The following RGS17 variants were observed in gnomAD, a reference collection of about 807,000 sequenced individuals.
RGS17 encodes regulator of G protein signaling 17.
RGS17 carries 12 observed loss-of-function variants against 25.5 expected under a neutral mutation model. The ratio of observed to expected loss-of-function variants is 0.47; its 90% CI spans 0.30 to 0.76. The LOEUF (loss-of-function observed/expected upper bound fraction) is 0.76, where lower values mean the gene tolerates loss of function less well. RGS17 is among the 30% of genes least tolerant of loss of function. RGS17 has a pLI of 0.07. For missense variants in RGS17, 196 were observed against 242.2 expected (o/e 0.81, Z 1.27); for synonymous variants, 71 against 76.9 (o/e 0.92, Z 0.40).
intron 1 of RGS17, among the ~76,000 whole-genome samples, chr6:153,123,369 G>C (rs898953490): frequency 4.6e-5 from 7 of 152,118 alleles, no homozygotes; most frequent in African/African-American, 1.7e-4. Context: ...GTGGCTGACA[G>C]GAGTGCTGAG....
At chr6:153,093,148 G>C (rs899005838) in intron 1 of RGS17, among the ~76,000 whole-genome samples, 1 of 152,106 alleles carries the variant, frequency 6.6e-6, no homozygotes, top group Admixed American at 6.5e-5. Flanking sequence ...TGTCTCATTT[G>C]ATTCTAATTT....
rs1373917663 is a variant in RGS17, at chr6:153,105,108, A to G, written c.-26+26016T>C. On this transcript the variant is annotated intron_variant, in intron 1 of 4. Transcript: ENST00000206262. ...ACACTGGGCCTTGAGGGCCAATGTA[A>G]GGACTTTGGGATTTACACAGAACTA... Among the ~76,000 whole-genome samples the G allele has an allele frequency of 2.0e-5, 3 of 151,754 alleles. No homozygotes were observed. The South Asian group carries it at 6.2e-4, about 31-fold the overall frequency.
intron 1 of RGS17, among the ~76,000 whole-genome samples, chr6:153,098,643 G>A (rs1324462122): frequency 6.7e-6 from 1 of 149,142 alleles, no homozygotes; most frequent in East Asian, 1.9e-4. Flanking sequence ...GCAATTGAGA[G>A]GAACCACAAA....
chr6:153,027,726 G>A (rs186013184), intron 2 of RGS17, among the ~76,000 whole-genome samples: 1 of 152,248 alleles, frequency 6.6e-6, no homozygotes, highest in Admixed American at 6.5e-5. Flanking sequence ...AGGTGCTATA[G>A]TTGGAATTGG....
At chr6:153,106,249 C>T (rs575841330) in intron 1 of RGS17, among the ~76,000 whole-genome samples, 3 of 151,896 alleles carry the variant, frequency 2.0e-5, no homozygotes, top group South Asian at 2.1e-4. Context: ...TCAATGGAAG[C>T]GGACGTCACT....
At chr6:153,017,113 A>C (rs1049888439) in intron 4 of RGS17, among the ~76,000 whole-genome samples, 2 of 152,264 alleles carry the variant, frequency 1.3e-5, no homozygotes, top group Non-Finnish European at 2.9e-5. Context: ...AGTGCATTCC[A>C]GCAATAACAG....
chr6:153,091,525 TACACAGGCTCTGTC>T (rs942931693), intron 1 of RGS17, among the ~76,000 whole-genome samples: 33 of 151,048 alleles, frequency 2.2e-4, no homozygotes, highest in African/African-American at 5.1e-4. Flanking sequence ...CAGGCTGGAG[TACACAGGCTCTGTC>T]ACACAGGCTC....
intron 1 of RGS17, among the ~76,000 whole-genome samples, chr6:153,080,337 T>C (rs1584147783): frequency 6.6e-6 from 1 of 152,206 alleles, no homozygotes; most frequent in Admixed American, 6.5e-5. Flanking sequence ...ATCATTGGCA[T>C]AAAGTTGCTG....
intron 2 of RGS17, among the ~76,000 whole-genome samples, chr6:153,033,453 C>T (rs753576549): frequency 6.6e-6 from 1 of 152,160 alleles, no homozygotes; most frequent in Non-Finnish European, 1.5e-5. Flanking sequence ...CATGGTGGCT[C>T]ATGCTTGTAA....
intron 1 of RGS17, among the ~76,000 whole-genome samples, chr6:153,112,382 T>G (rs530774630): frequency 6.6e-6 from 1 of 152,136 alleles, no homozygotes; most frequent in African/African-American, 2.4e-5. Flanking sequence ...GAAAAAAGAA[T>G]GAAAATGAAT....
At chr6:153,020,945 A>C (rs1048948056) in intron 4 of RGS17, among the ~76,000 whole-genome samples, 7 of 152,190 alleles carry the variant, frequency 4.6e-5, no homozygotes, top group African/African-American at 1.7e-4. Flanking sequence ...TGGATAAGCT[A>C]TGCCATTAGG....
At chr6:153,077,092 A>G (rs979922241) in intron 1 of RGS17, among the ~76,000 whole-genome samples, 1 of 152,192 alleles carries the variant, frequency 6.6e-6, no homozygotes, top group African/African-American at 2.4e-5. Context: ...AACAGGAGAT[A>G]CTCACTCATC....
intron 1 of RGS17, among the ~76,000 whole-genome samples, chr6:153,064,384 A>C (rs2129115687): frequency 6.6e-6 from 1 of 152,308 alleles, no homozygotes; most frequent in East Asian, 1.9e-4. Context: ...TAATCCCAGC[A>C]CTTTGGGAGG....
intron 1 of RGS17, among the ~76,000 whole-genome samples, chr6:153,048,108 G>A (rs140807182): frequency 7.2e-4 from 109 of 152,250 alleles, no homozygotes; most frequent in South Asian, 2.1e-3. Flanking sequence ...CTGAATTCAG[G>A]ATGCAAATAT....
intron 4 of RGS17, among the ~76,000 whole-genome samples, chr6:153,020,130 ATATATATATTT>A (rs1779229907): frequency 1.1e-5 from 1 of 89,342 alleles, no homozygotes; most frequent in African/African-American, 4.7e-5. Context: ...ATATATATAT[ATATATATATTT>A]TTTTTTTTTT....
At chr6:153,039,452 C>G (rs1459726572) in intron 2 of RGS17, among the ~76,000 whole-genome samples, 1 of 152,108 alleles carries the variant, frequency 6.6e-6, no homozygotes. Context: ...CCATAGCCGT[C>G]ATCTCACCAC....
chr6:153,035,411 A>C (rs976214893), intron 2 of RGS17, among the ~76,000 whole-genome samples: 11 of 152,194 alleles, frequency 7.2e-5, no homozygotes, highest in African/African-American at 2.7e-4. Context: ...CAGAACAAGT[A>C]ATTCTTGAAT....
At chr6:153,020,111 A>ATATATATATAT (rs1554235102) in intron 4 of RGS17, among the ~76,000 whole-genome samples, 17 of 58,448 alleles carry the variant, frequency 2.9e-4, no homozygotes, top group African/African-American at 4.4e-4. Flanking sequence ...AAAAAAAAAA[A>ATATATATATAT]ATATATATAT....
In RGS17 at chr6:153,128,423, C is replaced by T. The variant is rs149060747; in HGVS notation, c.-26+2701G>A. 3.1e-4 allele frequency among the ~76,000 whole-genome samples: 47 copies of T among 152,306 alleles called. No homozygotes were observed. The East Asian group carries it at 8.7e-3, about 28-fold the overall frequency. ...AATGGACTCCCAGCCCTCTTGGCAT[C>T]GTACCTCATCATCCATGCCTACCTT... is the stretch of plus-strand genomic sequence containing the variant. On this transcript the variant is annotated intron_variant, in intron 1 of 4. Transcript: ENST00000206262.
Sources: gnomAD v4.1 joint callset for allele counts (sites outside exome capture counted in the v4.1 genomes callset) on GRCh38, gnomAD v4.1.1 for gene constraint, MANE v1.5 for transcripts, NCBI Gene and HGNC (gene_info 2026-07-23, HGNC 2026-07-21) for gene names.